CINP: variants seen among roughly 807,000 people sequenced by gnomAD.
The protein encoded by CINP is cyclin-dependent kinase 2-interacting protein.
Under a neutral mutation model 20.5 loss-of-function variants are expected in CINP, and 11 were observed. The ratio of observed to expected loss-of-function variants is 0.54; its 90% CI spans 0.34 to 0.89. The LOEUF (loss-of-function observed/expected upper bound fraction) is 0.89. CINP is among the 40% of genes least tolerant of loss of function. CINP has a pLI of 0.02. For synonymous variants in CINP, 108 were observed against 102.1 expected (o/e 1.06, Z -0.35); for missense variants, 213 against 251.0 (o/e 0.85, Z 1.02).
chr14:102,359,205 A>T lies in CINP; in HGVS notation c.176+214T>A, dbSNP rs888299378. Among the ~76,000 whole-genome samples the T allele has an allele frequency of 7.9e-5, 10 of 126,086 alleles. No homozygotes were observed. The East Asian group carries it at 1.5e-3, about 19-fold the overall frequency. The allele number at this position is 126,086 out of a possible 152,430, so 82.7% of individuals were successfully genotyped here. ...AACAGAGTGAGACTTCATCTCCAAA[A>T]AAATAAATAAATAAATAACTAAATA... On this transcript the variant is annotated intron_variant, in intron 2 of 4. Coordinates refer to ENST00000216756, the MANE Select transcript of CINP (RefSeq NM_032630.3).
rs1320102979 is a variant in CINP at position 102,348,288 on chromosome 14, T to C, written c.*269A>G. On this transcript the variant is annotated 3_prime_UTR_variant, in exon 5 of 5. Transcript: ENST00000216756. ...AAACTAGATCACTCACTCATTCTGCTCAGAAACTCATTGATTTTACTCTGA... is the reference window on the plus strand; with the variant it reads ...AAACTAGATCACTCACTCATTCTGCCCAGAAACTCATTGATTTTACTCTGA... 1 of 499,462 alleles carries C rather than the reference T, an allele frequency of 2.0e-6. No individual in the cohort carries two copies. The highest frequency in any genetic ancestry group is 3.6e-6 in the Non-Finnish European group (1 of 277,138). The allele number at this position is 499,462 out of a possible 1,614,324, so 30.9% of individuals were successfully genotyped here. A position where few individuals can be genotyped will look rare whatever the true frequency, so the allele number is the denominator to read the frequency against.
intron 2 of CINP, among the ~76,000 whole-genome samples, chr14:102,358,412 G>GGCTC (rs763083819): frequency 1.3e-5 from 2 of 152,220 alleles, no homozygotes; most frequent in Non-Finnish European, 2.9e-5. Context: ...TGGGCGCAGT[G>GGCTC]GCTCATGCCT....
Position 102,348,451 on chromosome 14 carries a change from A to C in CINP, c.*106T>G. 9.5e-7 allele frequency: 1 copy of C among 1,055,730 alleles called. No homozygotes were observed. The highest frequency in any genetic ancestry group is 1.4e-6 in the Non-Finnish European group (1 of 736,964). The allele number at this position is 1,055,730 out of a possible 1,614,324, so 65.4% of individuals were successfully genotyped here. A position where few individuals can be genotyped will look rare whatever the true frequency, so the allele number is the denominator to read the frequency against. ...GACAAGCTCTGGCCAGAAGACCCCA[A>C]GGTCTGATCCTGGGGTCTGATCCAG... On this transcript the variant is annotated 3_prime_UTR_variant, in exon 5 of 5. Transcript: ENST00000216756.
Position 102,355,911 on chromosome 14 carries a change from A to G in CINP, c.177-14T>C. On this transcript the variant is annotated splice_polypyrimidine_tract_variant and intron_variant, in intron 2 of 4. Transcript: ENST00000216756. ...TTGTCTTTATTCCTAAACAAAATAGAAAATAATGTGTACAAAATATACTCT... is the reference window on the plus strand; with the variant it reads ...TTGTCTTTATTCCTAAACAAAATAGGAAATAATGTGTACAAAATATACTCT... The G allele has an allele frequency of 6.2e-7, 1 of 1,613,460 alleles. No homozygotes were observed. Among genetic ancestry groups the G allele is most frequent in the Admixed American group, 1.7e-5 (1 of 59,886 alleles).
intron 2 of CINP, among the ~76,000 whole-genome samples, chr14:102,358,290 A>G (rs2139633151): frequency 6.6e-6 from 1 of 152,390 alleles, no homozygotes; most frequent in East Asian, 1.9e-4. Context: ...AACCAGTGTG[A>G]GAGGTCTAAT....
chr14:102,354,078 A>C (rs1215872965), intron 3 of CINP, among the ~76,000 whole-genome samples: 1 of 152,234 alleles, frequency 6.6e-6, no homozygotes, highest in Non-Finnish European at 1.5e-5. Context: ...CCTTGTCTCC[A>C]AACAAACAAA....
At chr14:102,357,610 T>A (rs1273597870) in intron 2 of CINP, among the ~76,000 whole-genome samples, 2 of 152,180 alleles carry the variant, frequency 1.3e-5, no homozygotes, top group Non-Finnish European at 2.9e-5. Flanking sequence ...AGTCAAAGCC[T>A]AATCCACAGC....
intron 2 of CINP, among the ~76,000 whole-genome samples, chr14:102,358,903 C>A (rs761981668): frequency 1.3e-5 from 2 of 151,928 alleles, no homozygotes; most frequent in Non-Finnish European, 2.9e-5. Context: ...ACAAAAGAAT[C>A]AAAGAATCTG....
chr14:102,350,756 GCT>G (rs1865125008), intron 3 of CINP, among the ~76,000 whole-genome samples: 1 of 151,596 alleles, frequency 6.6e-6, no homozygotes, highest in Non-Finnish European at 1.5e-5. Flanking sequence ...CGTTTCTGAG[GCT>G]CTCTGTCTCT....
chr14:102,354,057 C>G (rs954922392), intron 3 of CINP, among the ~76,000 whole-genome samples: 1 of 152,178 alleles, frequency 6.6e-6, no homozygotes, highest in Non-Finnish European at 1.5e-5. Flanking sequence ...CTACTGCATT[C>G]CACAGCGAGA....
chr14:102,352,175 C>A (rs142434367), intron 3 of CINP, among the ~76,000 whole-genome samples: 1 of 152,176 alleles, frequency 6.6e-6, no homozygotes, highest in Non-Finnish European at 1.5e-5. Flanking sequence ...CGTGAGCCAC[C>A]GCGCCCAGCC....
In CINP at chr14:102,348,499, C is replaced by T. The variant is rs961247847; in HGVS notation, c.*58G>A. The T allele has an allele frequency of 2.9e-5, 44 of 1,493,014 alleles. 1 individual carries two copies. The highest frequency in any genetic ancestry group is 2.8e-5 in the Non-Finnish European group (31 of 1,098,692). The allele number at this position is 1,493,014 out of a possible 1,614,324, so 92.5% of individuals were successfully genotyped here. A position where few individuals can be genotyped will look rare whatever the true frequency, so the allele number is the denominator to read the frequency against. On this transcript the variant is annotated 3_prime_UTR_variant, in exon 5 of 5. Coordinates refer to ENST00000216756, the MANE Select transcript of CINP (RefSeq NM_032630.3). ...CAGGCCTGCGGCACTGGGTCCTAGG[C>T]AGACTGTCTGCCTGGTGAGACGTGG...
At chr14:102,353,212 A>G (rs1329731867) in intron 3 of CINP, among the ~76,000 whole-genome samples, 1 of 151,962 alleles carries the variant, frequency 6.6e-6, no homozygotes, top group Non-Finnish European at 1.5e-5. Flanking sequence ...TAATTTATGT[A>G]GATACTGCAC....
chr14:102,355,276 G>C (rs536978666), intron 3 of CINP, among the ~76,000 whole-genome samples: 1 of 152,098 alleles, frequency 6.6e-6, no homozygotes, highest in East Asian at 1.9e-4. Context: ...CAGCCCTTTG[G>C]GAGGCCAGCA....
chr14:102,360,089 C>G lies in CINP; in HGVS notation c.8-502G>C, dbSNP rs536053814. Among the ~76,000 whole-genome samples, 4 of 152,222 alleles carry G rather than the reference C, an allele frequency of 2.6e-5. No homozygotes were observed. The South Asian group carries it at 8.3e-4, about 32-fold the overall frequency. ...AGAGTTGATCACGATGCTGCCACTG[C>G]CCTTCTTGGTAATCAGGAGGAAGTC... On this transcript the variant is annotated intron_variant, in intron 1 of 4. Coordinates refer to ENST00000216756, the MANE Select transcript of CINP (RefSeq NM_032630.3).
intron 2 of CINP, among the ~76,000 whole-genome samples, chr14:102,356,945 T>C (rs1597749347): frequency 6.6e-6 from 1 of 152,224 alleles, no homozygotes; most frequent in Admixed American, 6.5e-5. Context: ...TTAATAGCCC[T>C]ACATTGGCCT....
intron 1 of CINP, among the ~76,000 whole-genome samples, chr14:102,361,107 T>C (rs1260048752): frequency 6.6e-6 from 1 of 152,154 alleles, no homozygotes; most frequent in Non-Finnish European, 1.5e-5. Context: ...CAGGGTCTTG[T>C]GTTAGTGTGA....
At chr14:102,360,064 A>G (rs1887103934) in intron 1 of CINP, among the ~76,000 whole-genome samples, 1 of 152,174 alleles carries the variant, frequency 6.6e-6, no homozygotes, top group Non-Finnish European at 1.5e-5. Context: ...ACAGAGATGC[A>G]GAGTTGATCA....
At chr14:102,359,046 C>T (rs1887064329) in intron 2 of CINP, among the ~76,000 whole-genome samples, 1 of 151,634 alleles carries the variant, frequency 6.6e-6, no homozygotes, top group Non-Finnish European at 1.5e-5. Flanking sequence ...ACTAAAAATA[C>T]AAAAATTATC....
Sources: allele counts gnomAD v4.1 joint callset (sites outside exome capture counted in the v4.1 genomes callset), GRCh38; gene constraint gnomAD v4.1.1; transcripts MANE v1.5; gene names NCBI Gene and HGNC (gene_info 2026-07-23, HGNC 2026-07-21).